Variants in DCC observed in about 807,000 individuals in gnomAD.
DCC encodes the protein netrin receptor DCC.
In DCC, 58 loss-of-function variants were observed where a neutral mutation model predicts 172.5. That is an observed-to-expected ratio of 0.34 (90% CI 0.27 to 0.42). DCC has a LOEUF of 0.42. Ranked by LOEUF, DCC falls within the 10% of genes least tolerant of loss-of-function variation. The probability of loss-of-function intolerance (pLI) is 1.00; values close to 1 mark genes in which losing one functional copy is unlikely to be tolerated. For missense variants in DCC, 1,740 were observed against 1,791.0 expected (o/e 0.97, Z 0.51); for synonymous variants, 709 against 644.5 (o/e 1.10, Z -1.52).
chr18:52,983,641 G>T (rs564684164), intron 5 of DCC, among the ~76,000 whole-genome samples: 1 of 152,214 alleles, frequency 6.6e-6, no homozygotes, highest in South Asian at 2.1e-4. Context: ...AACTAGAGAA[G>T]ATCCAGCATA....
At chr18:52,733,479 A>G (rs1380970397) in intron 1 of DCC, among the ~76,000 whole-genome samples, 3 of 151,984 alleles carry the variant, frequency 2.0e-5, no homozygotes, top group Non-Finnish European at 4.4e-5. Context: ...CAGGAGGTAC[A>G]CCAATAAACA....
At chr18:53,225,516 T>A (rs1399859984) in intron 12 of DCC, among the ~76,000 whole-genome samples, 1 of 152,056 alleles carries the variant, frequency 6.6e-6, no homozygotes, top group Non-Finnish European at 1.5e-5. Context: ...TCTTGGTAAG[T>A]TGAGCAAAGG....
intron 7 of DCC, among the ~76,000 whole-genome samples, chr18:53,090,453 G>A (rs1240000849): frequency 6.6e-6 from 1 of 151,666 alleles, no homozygotes; most frequent in Non-Finnish European, 1.5e-5. Context: ...CAGCACTTTG[G>A]GAGGCCGAGG....
At chr18:53,343,350 T>C (rs2057684524) in intron 15 of DCC, among the ~76,000 whole-genome samples, 1 of 152,042 alleles carries the variant, frequency 6.6e-6, no homozygotes, top group East Asian at 1.9e-4. Context: ...TCTTTCTAGT[T>C]TTCTAGAAAT....
chr18:52,966,369 G>T (rs952584008), intron 5 of DCC, among the ~76,000 whole-genome samples: 12 of 152,104 alleles, frequency 7.9e-5, no homozygotes, highest in African/African-American at 2.9e-4. Context: ...GAATTGCGCA[G>T]GCATTCCATA....
At chr18:53,209,775 C>T (rs2055717411) in intron 11 of DCC, among the ~76,000 whole-genome samples, 1 of 151,986 alleles carries the variant, frequency 6.6e-6, no homozygotes, top group African/African-American at 2.4e-5. Context: ...AAAAGAAAAA[C>T]AAATGAAAGT....
chr18:53,333,866 A>G (rs2057561031), intron 14 of DCC, among the ~76,000 whole-genome samples: 1 of 152,144 alleles, frequency 6.6e-6, no homozygotes, highest in African/African-American at 2.4e-5. Context: ...ATGACCTTTC[A>G]CCAAAATCCC....
chr18:53,288,065 A>G (rs1337588567), intron 12 of DCC, among the ~76,000 whole-genome samples: 1 of 152,128 alleles, frequency 6.6e-6, no homozygotes, highest in Admixed American at 6.5e-5. Context: ...ATGTTTTGTC[A>G]CTATTGCCTG....
At chr18:52,362,666 TA>T (rs1296592770) in intron 1 of DCC, among the ~76,000 whole-genome samples, 2 of 152,054 alleles carry the variant, frequency 1.3e-5, no homozygotes, top group Non-Finnish European at 2.9e-5. Flanking sequence ...AGAGGAACCT[TA>T]AAAAAATAGA....
chr18:53,178,602 T>C (rs1461741852), intron 8 of DCC, among the ~76,000 whole-genome samples: 1 of 152,240 alleles, frequency 6.6e-6, no homozygotes, highest in Non-Finnish European at 1.5e-5. Flanking sequence ...GCCGGATGTT[T>C]ACAAAACTCG....
chr18:53,525,340 A>T (rs1339764553), intron 27 of DCC, among the ~76,000 whole-genome samples: 1 of 152,082 alleles, frequency 6.6e-6, no homozygotes, highest in Non-Finnish European at 1.5e-5. Context: ...GAAGAAAACG[A>T]TTCATGTTTC....
At chr18:52,727,143 T>C (rs2036563969) in intron 1 of DCC, among the ~76,000 whole-genome samples, 1 of 152,162 alleles carries the variant, frequency 6.6e-6, no homozygotes, top group Admixed American at 6.5e-5. Flanking sequence ...TAGAAAGCTA[T>C]AAGAAATGGA....
chr18:53,377,971 T>C (rs996866513), intron 15 of DCC, among the ~76,000 whole-genome samples: 19 of 152,250 alleles, frequency 1.2e-4, no homozygotes, highest in Non-Finnish European at 2.4e-4. Flanking sequence ...TTTTAATTAA[T>C]TAATTTATTT....
intron 9 of DCC, among the ~76,000 whole-genome samples, chr18:53,181,241 A>G (rs1448286851): frequency 6.6e-6 from 1 of 152,164 alleles, no homozygotes; most frequent in Non-Finnish European, 1.5e-5. Flanking sequence ...AAATTGTTAT[A>G]CTGTACTTTT....
chr18:52,980,952 T>C (rs1385194580), intron 5 of DCC, among the ~76,000 whole-genome samples: 1 of 151,664 alleles, frequency 6.6e-6, no homozygotes, highest in African/African-American at 2.4e-5. Context: ...CTATTTTTTT[T>C]TTTTTTTACT....
intron 1 of DCC, among the ~76,000 whole-genome samples, chr18:52,728,129 G>A (rs1174533474): frequency 6.6e-6 from 1 of 151,960 alleles, no homozygotes; most frequent in African/African-American, 2.4e-5. Flanking sequence ...ATTTTGTATT[G>A]ATGAGGGAAT....
chr18:52,723,956 T>C (rs1403006461), intron 1 of DCC, among the ~76,000 whole-genome samples: 2 of 152,074 alleles, frequency 1.3e-5, no homozygotes, highest in Non-Finnish European at 2.9e-5. Flanking sequence ...GTCAACACTG[T>C]CTCAGAAGTG....
chr18:52,688,166 T>C (rs920630211), intron 1 of DCC, among the ~76,000 whole-genome samples: 11 of 151,992 alleles, frequency 7.2e-5, no homozygotes, highest in Non-Finnish European at 1.5e-4. Context: ...TAACAATGAC[T>C]TTTGCCTTGA....
intron 2 of DCC, among the ~76,000 whole-genome samples, chr18:52,797,604 T>G (rs934317061): frequency 6.6e-6 from 1 of 152,210 alleles, no homozygotes; most frequent in African/African-American, 2.4e-5. Flanking sequence ...GGTGGGAACA[T>G]CAGCTGGGTT....
Sources: allele counts gnomAD v4.1 joint callset (sites outside exome capture counted in the v4.1 genomes callset), GRCh38; gene constraint gnomAD v4.1.1; transcripts MANE v1.5; gene names NCBI Gene and HGNC (gene_info 2026-07-23, HGNC 2026-07-21).